Variants in ECH1 observed in about 807,000 individuals in gnomAD.
ECH1 encodes enoyl-CoA hydratase 1.
In ECH1, 30 loss-of-function variants were observed where a neutral mutation model predicts 37.0. The ratio of observed to expected loss-of-function variants is 0.81; its 90% CI spans 0.61 to 1.10. ECH1 has a LOEUF of 1.10. Among genes scored for constraint, ECH1 ranks in the 50% least tolerant of loss-of-function variants. The pLI is 0.00. For synonymous variants in ECH1, 178 were observed against 176.0 expected, an observed-to-expected ratio of 1.01 and a Z score of -0.09; for missense variants, 456 against 441.6, an observed-to-expected ratio of 1.03 and a Z score of -0.29.
In ECH1 at chr19:38,825,953, G is replaced by A. The variant is rs750955946; in HGVS notation, c.349+5125C>T. ...ATCACCCTCACTGAGCCCCGGGTACGTTTAACCATTGAGGGCCAGGAAACT... is the reference window on the plus strand; with the variant it reads ...ATCACCCTCACTGAGCCCCGGGTACATTTAACCATTGAGGGCCAGGAAACT... On this transcript the variant is annotated intron_variant, in intron 3 of 9. Transcript: ENST00000221418. Among the ~76,000 whole-genome samples, 6 of 152,274 alleles carry A rather than the reference G, an allele frequency of 3.9e-5. No homozygotes were observed. The East Asian group carries it at 5.8e-4, about 15-fold the overall frequency.
chr19:38,821,565 T>C (rs961572790), intron 3 of ECH1, among the ~76,000 whole-genome samples: 1 of 152,140 alleles, frequency 6.6e-6, no homozygotes, highest in African/African-American at 2.4e-5. Context: ...CGGGTGGGTG[T>C]GAGCTCGGCG....
At chr19:38,827,310 G>C (rs1035077833) in intron 3 of ECH1, among the ~76,000 whole-genome samples, 4 of 149,734 alleles carry the variant, frequency 2.7e-5, no homozygotes, top group African/African-American at 1.0e-4. Flanking sequence ...AGAAATCAGT[G>C]TATGAAATAT....
At position 38,817,085 on chromosome 19, in the gene ECH1, C is replaced by G. The variant is rs1380457349; in HGVS notation, c.568G>C (p.Asp190His). Reference protein sequence around the residue: ...TACDIRYCAQDAFFQVKEVDV... With the variant: ...TACDIRYCAQHAFFQVKEVDV... The stretch of plus-strand genomic sequence containing the variant: ...CTCACCTTCACCTGGAAGAAAGCAT[C>G]CTGGGCACAGTACCGGATGTCACAG... The change falls in exon 6 of 10, where the codon GAT becomes CAT. Residue 190 changes from aspartate to histidine, a missense_variant. Asp to His is a moderately conservative substitution (Grantham distance 81, BLOSUM62 -1). Transcript: ENST00000221418. 1.3e-6 allele frequency: 2 copies of G among 1,576,198 alleles called. No homozygotes were observed. Among genetic ancestry groups the G allele is most frequent in the African/African-American group, 2.7e-5 (2 of 73,842 alleles).
rs1477610190 is a variant in ECH1, at chr19:38,831,363, T to G, written c.206A>C (p.His69Pro). Residue 69 changes from histidine to proline, a missense_variant, in exon 2 of 10, where the codon CAT becomes CCT. Coordinates refer to ENST00000221418, the MANE Select transcript of ECH1 (RefSeq NM_001398.3). ...CTTGTTGGGCCGGTTGAGCTGGACA[T>G]GCAGAACATGTTTCTGCGCAGACGT... ...RVTSAQKHVL[H>P]VQLNRPNKRN... 2 of 1,613,986 alleles carry G rather than the reference T, an allele frequency of 1.2e-6. No homozygotes were observed. Among genetic ancestry groups the G allele is most frequent in the Admixed American group, 3.3e-5 (2 of 60,010 alleles).
chr19:38,821,942 G>A (rs887584290), intron 3 of ECH1, among the ~76,000 whole-genome samples: 12 of 152,276 alleles, frequency 7.9e-5, no homozygotes, highest in African/African-American at 2.9e-4. Context: ...GAGTCTAGTG[G>A]GGATTTGGAG....
In ECH1 at chr19:38,817,625, T is replaced by C. The variant is rs202121809; in HGVS notation, c.350-50A>G. On this transcript the variant is annotated intron_variant, in intron 3 of 9. Transcript: ENST00000221418. ...CATCCAGGCTCCCAGGCCCCACCCA[T>C]TGACTCAACCAGGGATCAGAACCCA... 9.1e-6 allele frequency: 14 copies of C among 1,541,566 alleles called. No individual in the cohort carries two copies. The East Asian group carries it at 2.3e-4, about 25-fold the overall frequency.
chr19:38,817,413 CG>C, intron 4 of ECH1, 37 bp downstream of exon 4: 1 of 1,610,294 alleles, frequency 6.2e-7, no homozygotes, highest in Non-Finnish European at 8.5e-7. Context: ...AGGGGAGGCG[CG>C]TATGGAGAAA....
chr19:38,816,790 C>T (rs1971583326), intron 6 of ECH1: 1 of 620,160 alleles, frequency 1.6e-6, no homozygotes, highest in Non-Finnish European at 2.8e-6. Flanking sequence ...CCTCACCCTA[C>T]CTGAGACCCC....
At chr19:38,823,735 G>A (rs1318750534) in intron 3 of ECH1, among the ~76,000 whole-genome samples, 3 of 152,170 alleles carry the variant, frequency 2.0e-5, no homozygotes, top group Non-Finnish European at 2.9e-5. Flanking sequence ...AAGGCATGTC[G>A]CCCAAGCGAG....
chr19:38,828,022 G>A lies in ECH1; in HGVS notation c.349+3056C>T, dbSNP rs188624642. Among the ~76,000 whole-genome samples the A allele has an allele frequency of 4.5e-4, 69 of 151,968 alleles. No individual in the cohort carries two copies. In the East Asian group the frequency reaches 0.012, roughly 27 times the overall value. On this transcript the variant is annotated intron_variant, in intron 3 of 9. Coordinates refer to ENST00000221418, the MANE Select transcript of ECH1 (RefSeq NM_001398.3). ...GTTCAAGAGTTGAAGACCAGACTGGGCAACATAGCAAGACCTCATCTCTAC... is the reference window on the plus strand; with the variant it reads ...GTTCAAGAGTTGAAGACCAGACTGGACAACATAGCAAGACCTCATCTCTAC...
At position 38,829,678 on chromosome 19, in the gene ECH1, G is replaced by A. The variant is rs569109454; in HGVS notation, c.349+1400C>T. ...TAAAAACACAAAAACTTAGCTGGGT[G>A]TGGTGGCAGGCACTGGTGGTCCCAG... On this transcript the variant is annotated intron_variant, in intron 3 of 9. Coordinates refer to ENST00000221418, the MANE Select transcript of ECH1 (RefSeq NM_001398.3). Among the ~76,000 whole-genome samples, 21 of 151,814 alleles carry A rather than the reference G, an allele frequency of 1.4e-4. 1 individual carries two copies. Among genetic ancestry groups the A allele is most frequent in the South Asian group, 8.3e-4 (4 of 4,798 alleles).
intron 3 of ECH1, among the ~76,000 whole-genome samples, chr19:38,818,898 A>C (rs1363161065): frequency 1.2e-5 from 1 of 84,384 alleles, no homozygotes; most frequent in African/African-American, 4.0e-5. Context: ...CTGGCCTCCA[A>C]CTCTGTGTGT....
At position 38,817,485 on chromosome 19, in the gene ECH1, G is replaced by T. The variant is rs1292249116; in HGVS notation, c.440C>A (p.Thr147Asn). The T allele has an allele frequency of 6.2e-7, 1 of 1,613,858 alleles. No homozygotes were observed. The highest frequency in any genetic ancestry group is 8.5e-7 in the Non-Finnish European group (1 of 1,179,968). ...RISWYLRDII[T>N]RYQETFNVIE... is the part of the protein sequence containing the mutation. ...GACGTTGAAGGTCTCCTGGTATCGA[G>T]TGATGATGTCACGGAGGTACCAGCT... is the stretch of plus-strand genomic sequence containing the variant. Residue 147 changes from threonine (T) to asparagine (N), a missense_variant, in exon 4 of 10, where the codon ACT (threonine) becomes AAT (asparagine). Coordinates refer to ENST00000221418, the MANE Select transcript of ECH1 (RefSeq NM_001398.3).
Position 38,815,883 on chromosome 19 carries a change from A to C in ECH1, c.856T>G (p.Ser286Ala). 1.9e-6 allele frequency: 3 copies of C among 1,614,162 alleles called. No homozygotes were observed. In the South Asian group the frequency reaches 3.3e-5, roughly 18 times the overall value. ...ACGTAGTTGAGGCTCTCGGCCACCGAATGGTCGCGGGAATACAGCAGGTTG... is the reference window on the plus strand; with the variant it reads ...ACGTAGTTGAGGCTCTCGGCCACCGCATGGTCGCGGGAATACAGCAGGTTG... ...KVNLLYSRDHSVAESLNYVAS... is the reference protein window; with the variant it reads ...KVNLLYSRDHAVAESLNYVAS... Residue 286 changes from serine (S) to alanine (A), a missense_variant, in exon 9 of 10, where the codon TCG becomes GCG. Ser to Ala is a moderately conservative substitution (Grantham distance 99). Transcript: ENST00000221418.
intron 3 of ECH1, among the ~76,000 whole-genome samples, chr19:38,828,029 A>G (rs959923180): frequency 6.6e-6 from 1 of 152,138 alleles, no homozygotes; most frequent in African/African-American, 2.4e-5. Context: ...TGGGCAACAT[A>G]GCAAGACCTC....
At chr19:38,821,972 G>A (rs372456535) in intron 3 of ECH1, among the ~76,000 whole-genome samples, 30 of 152,346 alleles carry the variant, frequency 2.0e-4, no homozygotes, top group East Asian at 1.7e-3. Flanking sequence ...GTCTAGCTGA[G>A]GGACTGTAAA....
At chr19:38,821,320 A>G (rs966448425) in intron 3 of ECH1, among the ~76,000 whole-genome samples, 3 of 152,094 alleles carry the variant, frequency 2.0e-5, no homozygotes, top group Admixed American at 6.6e-5. Context: ...AAATGAAAGA[A>G]AGAGAGAGAG....
intron 3 of ECH1, among the ~76,000 whole-genome samples, chr19:38,825,515 TC>T (rs1484962665): frequency 3.9e-5 from 6 of 152,096 alleles, no homozygotes; most frequent in Non-Finnish European, 5.9e-5. Context: ...AGGAGAAAGC[TC>T]CAAAAGCAAG....
chr19:38,817,081 G>A lies in ECH1; in HGVS notation c.572C>T (p.Ala191Val). Residue 191 changes from alanine to valine, a missense_variant, in exon 6 of 10, where the codon GCT becomes GTT. Transcript: ENST00000221418. ...ATGACTCACCTTCACCTGGAAGAAAGCATCCTGGGCACAGTACCGGATGTC... is the reference window on the plus strand; with the variant it reads ...ATGACTCACCTTCACCTGGAAGAAAACATCCTGGGCACAGTACCGGATGTC... The part of the protein sequence containing the change: ...ACDIRYCAQD[A>V]FFQVKEVDVG... The A allele has an allele frequency of 6.3e-7, 1 of 1,574,870 alleles. No homozygotes were observed. The highest frequency in any genetic ancestry group is 8.6e-7 in the Non-Finnish European group (1 of 1,160,454).
Sources: allele counts gnomAD v4.1 joint callset (sites outside exome capture counted in the v4.1 genomes callset), GRCh38; gene constraint gnomAD v4.1.1; transcripts MANE v1.5; gene names NCBI Gene and HGNC (gene_info 2026-07-23, HGNC 2026-07-21).